Variants in MOXD1 observed in about 807,000 individuals in gnomAD.
MOXD1 encodes the protein DBH-like monooxygenase protein 1.
A neutral mutation model predicts 66.6 loss-of-function variants in MOXD1; 62 were observed. That is an observed-to-expected ratio of 0.93 (90% confidence interval 0.76 to 1.15). MOXD1 has a LOEUF of 1.15. MOXD1 is among the 50% of genes most tolerant of loss of function. MOXD1 has a pLI of 0.00. For missense variants in MOXD1, 847 were observed against 754.6 expected (o/e 1.12, Z -1.44); for synonymous variants, 303 against 281.9 (o/e 1.07, Z -0.75).
intron 9 of MOXD1, among the ~76,000 whole-genome samples, chr6:132,316,603 A>AT (rs2114559217): frequency 6.6e-6 from 1 of 152,266 alleles, no homozygotes; most frequent in South Asian, 2.1e-4. Context: ...CCAAAACGAA[A>AT]TAAAAACTTC....
intron 1 of MOXD1, among the ~76,000 whole-genome samples, chr6:132,388,675 C>T (rs186575975): frequency 4.0e-5 from 6 of 151,376 alleles, no homozygotes; most frequent in East Asian, 1.9e-4. Flanking sequence ...ACTGGAAAGA[C>T]GCTGGAGAAT....
At chr6:132,385,806 A>G (rs1284293919) in intron 1 of MOXD1, among the ~76,000 whole-genome samples, 1 of 152,046 alleles carries the variant, frequency 6.6e-6, no homozygotes, top group African/African-American at 2.4e-5. Flanking sequence ...TACTGAAATT[A>G]AAAACAGGAA....
intron 4 of MOXD1, among the ~76,000 whole-genome samples, chr6:132,347,159 G>A (rs1251448184): frequency 6.6e-6 from 1 of 152,002 alleles, no homozygotes; most frequent in East Asian, 1.9e-4. Context: ...GAAAATTGAG[G>A]CACAATTAAG....
chr6:132,311,028 T>C (rs906298456), intron 10 of MOXD1, among the ~76,000 whole-genome samples: 7 of 152,222 alleles, frequency 4.6e-5, no homozygotes, highest in Admixed American at 4.6e-4. Flanking sequence ...GAAAACTTAA[T>C]TCAGATGCTC....
chr6:132,333,542 T>C (rs1031381537), intron 4 of MOXD1, among the ~76,000 whole-genome samples: 9 of 152,166 alleles, frequency 5.9e-5, no homozygotes, highest in African/African-American at 2.2e-4. Context: ...TATAGATATA[T>C]TGGTATTCCT....
intron 1 of MOXD1, among the ~76,000 whole-genome samples, chr6:132,389,279 C>T (rs1776709448): frequency 6.6e-6 from 1 of 151,456 alleles, no homozygotes; most frequent in African/African-American, 2.4e-5. Context: ...GAAAACCAAG[C>T]TTATTTTCCT....
rs1028420923 is a variant in MOXD1 at position 132,358,718 on chromosome 6, A to T, written c.663+13890T>A. On this transcript the variant is annotated intron_variant, in intron 4 of 11. Coordinates refer to ENST00000367963, the MANE Select transcript of MOXD1 (RefSeq NM_015529.4). ...TTTACATTGAAGGTATGAGGCTAAA[A>T]TCAGCTATTATGGAGAAAATACCCA... is the stretch of plus-strand genomic sequence containing the variant. Among the ~76,000 whole-genome samples the T allele has an allele frequency of 4.6e-5, 7 of 152,344 alleles. No individual in the cohort carries two copies. In the East Asian group the frequency reaches 1.3e-3, roughly 29 times the overall value.
chr6:132,325,375 T>G (rs1775166098), intron 6 of MOXD1, among the ~76,000 whole-genome samples: 1 of 152,234 alleles, frequency 6.6e-6, no homozygotes, highest in Admixed American at 6.5e-5. Context: ...TGTTGAAAAT[T>G]AATGGCCATT....
At position 132,328,503 on chromosome 6, in the gene MOXD1, T is replaced by G; in HGVS notation, c.755A>C (p.Glu252Ala). ...GGGGTGATAGCACTCGTGGCCGGAC[T>G]CCAGAACGCTGTCGTTAAAGTTGTT... Reference protein sequence around the residue: ...CSNNFNDSVLESGHECYHPNM... With the variant: ...CSNNFNDSVLASGHECYHPNM... The change falls in exon 5 of 12, where the codon GAG becomes GCG. Residue 252 changes from glutamate to alanine, a missense_variant. Coordinates refer to ENST00000367963, the MANE Select transcript of MOXD1 (RefSeq NM_015529.4). 6.2e-7 allele frequency: 1 copy of G among 1,614,100 alleles called. No homozygotes were observed. Among genetic ancestry groups the G allele is most frequent in the Non-Finnish European group, 8.5e-7 (1 of 1,180,006 alleles).
chr6:132,375,245 G>T (rs1455046174), intron 1 of MOXD1, among the ~76,000 whole-genome samples: 1 of 152,160 alleles, frequency 6.6e-6, no homozygotes, highest in Non-Finnish European at 1.5e-5. Flanking sequence ...AGATCCGTGG[G>T]CAAGTGCGGA....
intron 10 of MOXD1, among the ~76,000 whole-genome samples, chr6:132,312,665 T>TG (rs1774856643): frequency 6.6e-6 from 1 of 151,862 alleles, no homozygotes; most frequent in Non-Finnish European, 1.5e-5. Context: ...CCTTGTTCTG[T>TG]AAAGCAATTC....
chr6:132,378,824 C>A (rs911531826), intron 1 of MOXD1, among the ~76,000 whole-genome samples: 7 of 143,198 alleles, frequency 4.9e-5, no homozygotes, highest in African/African-American at 1.8e-4. Context: ...AGAGGTAATA[C>A]CAACTGTTCA....
At chr6:132,326,005 GT>G (rs1775180301) in intron 6 of MOXD1, among the ~76,000 whole-genome samples, 1 of 152,032 alleles carries the variant, frequency 6.6e-6, no homozygotes, top group Non-Finnish European at 1.5e-5. Context: ...GCAAAATTTT[GT>G]TTTGTATTTT....
At chr6:132,391,320 C>A (rs988887851) in intron 1 of MOXD1, 5 of 152,056 alleles carry the variant, frequency 3.3e-5, no homozygotes, top group African/African-American at 1.2e-4. Flanking sequence ...CTGATCTATA[C>A]ATTATTTGTA....
Position 132,401,234 on chromosome 6 carries a change from A to C in MOXD1, c.193T>G (p.Ser65Ala). Reference sequence around the variant, plus strand: ...GCGGACGCCATGGCCCCGGTGGGCGAGAAGCCGAAGCCCACGTAGCCTGCA... The same window carrying C: ...GCGGACGCCATGGCCCCGGTGGGCGCGAAGCCGAAGCCCACGTAGCCTGCA... ...RTAGYVGFGF[S>A]PTGAMASADI... The change falls in exon 1 of 12, where the codon TCG becomes GCG. Residue 65 changes from serine (S) to alanine (A), a missense_variant. Physicochemically the swap from Ser to Ala is moderately conservative, Grantham distance 99. Transcript: ENST00000367963. 6.3e-7 allele frequency: 1 copy of C among 1,585,574 alleles called. No homozygotes were observed. Among genetic ancestry groups the C allele is most frequent in the Non-Finnish European group, 8.5e-7 (1 of 1,173,384 alleles).
chr6:132,387,568 A>G (rs1289622952), intron 1 of MOXD1, among the ~76,000 whole-genome samples: 1 of 150,486 alleles, frequency 6.6e-6, no homozygotes, highest in African/African-American at 2.4e-5. Flanking sequence ...AGCCTGGCCA[A>G]CAAGGTGAAA....
At chr6:132,367,347 T>G (rs1285539078) in intron 4 of MOXD1, among the ~76,000 whole-genome samples, 1 of 152,120 alleles carries the variant, frequency 6.6e-6, no homozygotes, top group Non-Finnish European at 1.5e-5. Flanking sequence ...TAACAGAAAT[T>G]ATGTTCCCAG....
chr6:132,365,407 T>A (rs1225745207), intron 4 of MOXD1, among the ~76,000 whole-genome samples: 1 of 152,154 alleles, frequency 6.6e-6, no homozygotes, highest in Non-Finnish European at 1.5e-5. Context: ...AAAGCATGCA[T>A]GTCAGGAACT....
At chr6:132,393,537 T>G (rs1202453657) in intron 1 of MOXD1, among the ~76,000 whole-genome samples, 3 of 152,104 alleles carry the variant, frequency 2.0e-5, no homozygotes, top group African/African-American at 7.2e-5. Flanking sequence ...TGCCACAGAA[T>G]TCTACAATGC....
Sources: allele counts gnomAD v4.1 joint callset (sites outside exome capture counted in the v4.1 genomes callset), GRCh38; gene constraint gnomAD v4.1.1; transcripts MANE v1.5; gene names NCBI Gene and HGNC (gene_info 2026-07-23, HGNC 2026-07-21).